ARHGEF40: variants seen among roughly 807,000 people sequenced by gnomAD.
ARHGEF40 encodes Rho guanine nucleotide exchange factor 40, also known as Rho guanine nucleotide exchange factor (GEF) 40.
ARHGEF40 carries 98 observed loss-of-function variants against 165.9 expected under a neutral mutation model. The observed-to-expected ratio is 0.59, with a 90% CI of 0.50 to 0.70. The LOEUF is 0.70. Among genes scored for constraint, ARHGEF40 ranks in the 30% least tolerant of loss-of-function variants. The pLI is 0.00. For missense variants in ARHGEF40, 1,815 were observed against 1,968.0 expected, an observed-to-expected ratio of 0.92 and a Z score of 1.47; for synonymous variants, 792 against 814.3, an observed-to-expected ratio of 0.97 and a Z score of 0.47.
rs1167399066 is a variant in ARHGEF40, at chr14:21,072,844, C to T, written c.4-201C>T. 2.6e-5 allele frequency among the ~76,000 whole-genome samples: 4 copies of T among 152,212 alleles called. No homozygotes were observed. The highest frequency in any genetic ancestry group is 2.9e-5 in the Non-Finnish European group (2 of 68,034). On this transcript the variant is annotated intron_variant, in intron 1 of 23. Transcript: ENST00000298694. This position sits in a 1 kb window ranked among gnomAD's most constrained non-coding sequence, Gnocchi z 4.1. The stretch of plus-strand genomic sequence containing the variant: ...AAGGTCTCAGAGCGGGAGTGTTGAG[C>T]GCCCTGCCAGGTTTGTGCACTCTGG...
At chr14:21,068,728 C>G (rs1886431205), upstream of ARHGEF40, among the ~76,000 whole-genome samples, 1 of 152,194 alleles carries the variant, frequency 6.6e-6, no homozygotes, top group Non-Finnish European at 1.5e-5. Context: ...GCTCCAACTC[C>G]ACGGCTCTAA....
Position 21,090,142 on chromosome 14 carries a change from CA to C in ARHGEF40, c.*1139del, listed in dbSNP as rs1298989897. 8.6e-6 allele frequency: 4 copies of C among 465,660 alleles called. No homozygotes were observed. The highest frequency in any genetic ancestry group is 2.0e-5 in the African/African-American group (1 of 50,284). The allele number at this position is 465,660 out of a possible 1,614,324, so 28.8% of individuals were successfully genotyped here. A position where few individuals can be genotyped will look rare whatever the true frequency, so the allele number is the denominator to read the frequency against. On this transcript the variant is annotated 3_prime_UTR_variant, in exon 24 of 24. Transcript: ENST00000298694. This position sits in a 1 kb window ranked among gnomAD's most constrained non-coding sequence, Gnocchi z 4.4. ...GCAATAGGGATGACAGGAATCGTAC[CA>C]AAAATAGCGACGTCTACAGGGCCCC...
chr14:21,070,776 G>T lies in ARHGEF40; in HGVS notation c.3+377G>T. On this transcript the variant is annotated intron_variant, in intron 1 of 23. Transcript: ENST00000298694. The surrounding 1 kb of genome is among the most constrained non-coding windows in gnomAD (Gnocchi z 4.7). ...ACCCGCGGGAGACCCCTGCGGGTTGGTCCTGCAGCGACCCTGGAAGAGGCC... is the reference window on the plus strand; with the variant it reads ...ACCCGCGGGAGACCCCTGCGGGTTGTTCCTGCAGCGACCCTGGAAGAGGCC... 6.5e-7 allele frequency: 1 copy of T among 1,532,104 alleles called. No homozygotes were observed. The highest frequency in any genetic ancestry group is 8.7e-7 in the Non-Finnish European group (1 of 1,143,844). The allele number at this position is 1,532,104 out of a possible 1,614,324, so 94.9% of individuals were successfully genotyped here. A position where few individuals can be genotyped will look rare whatever the true frequency, so the allele number is the denominator to read the frequency against.
chr14:21,067,985 T>TCTCCA (rs1566514089), upstream of ARHGEF40, among the ~76,000 whole-genome samples: 1 of 4,288 alleles, frequency 2.3e-4, no homozygotes, highest in East Asian at 2.1e-3. Flanking sequence ...CTCCCCTTTT[T>TCTCCA]TTTTTTTTTT....
intron 19 of ARHGEF40, chr14:21,086,662 T>G: frequency 4.1e-6 from 1 of 242,046 alleles, no homozygotes; most frequent in Non-Finnish European, 8.3e-6. Context: ...TTGTAAACTG[T>G]AAAGGTATGT....
rs758336294 is a variant in ARHGEF40 at position 21,084,813 on chromosome 14, C to T, written c.3850C>T (p.Arg1284Ter). The change falls in exon 18 of 24, where the codon CGA (arginine) becomes TGA (stop). Residue 1284 changes from arginine to a stop codon, truncating the protein, a stop_gained. Coordinates refer to ENST00000298694, the MANE Select transcript of ARHGEF40 (RefSeq NM_018071.5). LOFTEE classifies it high-confidence loss of function. ...AGACCCCTTCACTGTCATCTGTGGC[C>T]GAAAGAAGTGCCTTCGCCATGTCTT... ...HRDPFTVICG[R>*]KKCLRHVFLF... 2.5e-6 allele frequency: 4 copies of T among 1,614,190 alleles called. No homozygotes were observed. Among genetic ancestry groups the T allele is most frequent in the South Asian group, 1.1e-5 (1 of 91,088 alleles).
Position 21,087,387 on chromosome 14 carries a change from T to G in ARHGEF40, c.4311T>G (p.Leu1437=). ...FEHAGPSLPG[L]SPGACSLPAR... Reference sequence around the variant, plus strand: ...ATGCCGGCCCCTCCCTTCCCGGCCTTTCGCCGGGAGCCTGCTCCCTGCCTG... The same window carrying G: ...ATGCCGGCCCCTCCCTTCCCGGCCTGTCGCCGGGAGCCTGCTCCCTGCCTG... The change falls in exon 21 of 24, where the codon CTT becomes CTG. Residue 1437 remains leucine, a synonymous_variant. Coordinates refer to ENST00000298694, the MANE Select transcript of ARHGEF40 (RefSeq NM_018071.5). 6.2e-7 allele frequency: 1 copy of G among 1,603,636 alleles called. No homozygotes were observed. The highest frequency in any genetic ancestry group is 8.5e-7 in the Non-Finnish European group (1 of 1,179,872).
At chr14:21,081,341 C>A in intron 13 of ARHGEF40, 168 bp from the exon 14 acceptor site, 2 of 1,006,680 alleles carry the variant, frequency 2.0e-6, no homozygotes, top group Non-Finnish European at 2.9e-6. Context: ...TCCATACCAA[C>A]TCCGAGTGAC....
At position 21,074,603 on chromosome 14, in the gene ARHGEF40, C is replaced by A. The variant is rs1262687199; in HGVS notation, c.873C>A (p.His291Gln). 6.4e-7 allele frequency: 1 copy of A among 1,569,374 alleles called. No individual in the cohort carries two copies. The highest frequency in any genetic ancestry group is 8.6e-7 in the Non-Finnish European group (1 of 1,158,176). The change falls in exon 3 of 24, where the codon CAC (histidine) becomes CAA (glutamine). Residue 291 changes from histidine to glutamine, a missense_variant. His to Gln is a conservative substitution (Grantham distance 24). Transcript: ENST00000298694. The surrounding 1 kb of genome is among the most constrained non-coding windows in gnomAD (Gnocchi z 4.8). ...GRHRRHRAWM[H>Q]QKGLGPRGQD... is the part of the protein sequence containing the mutation. ...ACCGGAGACACCGGGCGTGGATGCACCAGAAGGGCCTGGGGCCTCGGGGCC... is the reference window on the plus strand; with the variant it reads ...ACCGGAGACACCGGGCGTGGATGCAACAGAAGGGCCTGGGGCCTCGGGGCC...
Position 21,081,871 on chromosome 14 carries a change from G to A in ARHGEF40, c.3003G>A (p.Arg1001=). ...SLLLPSSPGP[R]PAPSHCSLAP... is the part of the protein sequence containing the mutation. ...TGCTCCCCAGCAGCCCTGGGCCACG[G>A]CCAGCCCCATCCCATTGCTCCCTGG... Residue 1001 remains arginine (R), a synonymous_variant, in exon 14 of 24, where the codon CGG becomes CGA. Coordinates refer to ENST00000298694, the MANE Select transcript of ARHGEF40 (RefSeq NM_018071.5). 6.2e-7 allele frequency: 1 copy of A among 1,612,862 alleles called. No individual in the cohort carries two copies.
the ARHGEF40 span, among the ~76,000 whole-genome samples, chr14:21,062,438 G>A: frequency 2.6e-5 from 4 of 152,284 alleles, no homozygotes; most frequent in South Asian, 8.3e-4. Flanking sequence ...TCTGCACTGT[G>A]CTGCCTTCAG....
chr14:21,073,134 G>C lies in ARHGEF40; in HGVS notation c.93G>C (p.Gln31His). ...FEATAPTLLG[Q>H]VFQVVERTYR... ...CAACAGCCCCCACCCTGTTGGGCCA[G>C]GTGTTCCAGGTGGTGGAGAGGACTT... is the stretch of plus-strand genomic sequence containing the variant. Residue 31 changes from glutamine to histidine, a missense_variant, in exon 2 of 24, where the codon CAG (glutamine) becomes CAC (histidine). Physicochemically the swap from Gln to His is conservative, Grantham distance 24. Coordinates refer to ENST00000298694, the MANE Select transcript of ARHGEF40 (RefSeq NM_018071.5). This position sits in a 1 kb window ranked among gnomAD's most constrained non-coding sequence, Gnocchi z 4.6. The C allele has an allele frequency of 6.2e-7, 1 of 1,614,174 alleles. No individual in the cohort carries two copies. Among genetic ancestry groups the C allele is most frequent in the Non-Finnish European group, 8.5e-7 (1 of 1,180,032 alleles).
chr14:21,073,297 A>G lies in ARHGEF40; in HGVS notation c.201+55A>G, dbSNP rs1887132638. On this transcript the variant is annotated intron_variant, in intron 2 of 23. Transcript: ENST00000298694. This position sits in a 1 kb window ranked among gnomAD's most constrained non-coding sequence, Gnocchi z 4.6. ...TCCCCAAGATCCACTGCCACACTCT[A>G]CAGACTAGCCAGGCTGACTAATGCC... The G allele has an allele frequency of 6.5e-7, 1 of 1,533,178 alleles. No individual in the cohort carries two copies. The allele number at this position is 1,533,178 out of a possible 1,614,324, so 95.0% of individuals were successfully genotyped here. A position where few individuals can be genotyped will look rare whatever the true frequency, so the allele number is the denominator to read the frequency against.
intron 19 of ARHGEF40, chr14:21,086,266 A>C (rs1230565287): frequency 1.1e-5 from 2 of 187,874 alleles, no homozygotes; most frequent in Non-Finnish European, 2.3e-5. Flanking sequence ...AGTCCTAGCT[A>C]TTTGAGGGGT....
chr14:21,081,930 C>T lies in ARHGEF40; in HGVS notation c.3062C>T (p.Pro1021Leu). Residue 1021 changes from proline (P) to leucine (L), a missense_variant, in exon 14 of 24, where the codon CCT becomes CTT. Transcript: ENST00000298694. ...PCGEDYEEEG[P>L]ELAPEAEGRP... is the part of the protein sequence containing the mutation. ...GGAGAGGACTATGAGGAAGAGGGCCCTGAGCTGGCTCCAGAAGCAGAGGGC... is the reference window on the plus strand; with the variant it reads ...GGAGAGGACTATGAGGAAGAGGGCCTTGAGCTGGCTCCAGAAGCAGAGGGC... 6.2e-7 allele frequency: 1 copy of T among 1,611,566 alleles called. No homozygotes were observed. The highest frequency in any genetic ancestry group is 1.3e-5 in the African/African-American group (1 of 74,992).
chr14:21,079,122 G>T (rs1429275689), intron 11 of ARHGEF40, 112 bp downstream of exon 11: 2 of 1,383,060 alleles, frequency 1.4e-6, no homozygotes, highest in Non-Finnish European at 1.9e-6. Flanking sequence ...TTGGTTGAAC[G>T]CCCCTCCCTC....
chr14:21,075,767 T>A lies in ARHGEF40; in HGVS notation c.1739+2T>A. Reference sequence around the variant, plus strand: ...TCATTACCTCCACTCACTGCTCAGGTAACCGAGGCCCAGTCCTGGCACCCT... The same window carrying A: ...TCATTACCTCCACTCACTGCTCAGGAAACCGAGGCCCAGTCCTGGCACCCT... On this transcript the variant is annotated splice_donor_variant, in intron 5 of 23. Coordinates refer to ENST00000298694, the MANE Select transcript of ARHGEF40 (RefSeq NM_018071.5). LOFTEE classifies it high-confidence loss of function. The surrounding 1 kb of genome is among the most constrained non-coding windows in gnomAD (Gnocchi z 4.5). 6.2e-7 allele frequency: 1 copy of A among 1,612,112 alleles called. No individual in the cohort carries two copies. Among genetic ancestry groups the A allele is most frequent in the Non-Finnish European group, 8.5e-7 (1 of 1,179,058 alleles).
chr14:21,082,507 TG>T (rs1888006696), intron 15 of ARHGEF40, 29 bp downstream of exon 15: 1 of 1,545,926 alleles, frequency 6.5e-7, no homozygotes, highest in African/African-American at 1.4e-5. Context: ...TTCTTCCAAG[TG>T]CTCTCCCTTC....
chr14:21,087,382 G>C lies in ARHGEF40; in HGVS notation c.4306G>C (p.Gly1436Arg), dbSNP rs780647585. Reference sequence around the variant, plus strand: ...TGAGCATGCCGGCCCCTCCCTTCCCGGCCTTTCGCCGGGAGCCTGCTCCCT... The same window carrying C: ...TGAGCATGCCGGCCCCTCCCTTCCCCGCCTTTCGCCGGGAGCCTGCTCCCT... ...SFEHAGPSLP[G>R]LSPGACSLPA... The change falls in exon 21 of 24, where the codon GGC becomes CGC. Residue 1436 changes from glycine to arginine, a missense_variant. Gly to Arg is a moderately radical substitution (Grantham distance 125). Coordinates refer to ENST00000298694, the MANE Select transcript of ARHGEF40 (RefSeq NM_018071.5). 6.2e-7 allele frequency: 1 copy of C among 1,603,882 alleles called. No homozygotes were observed. Among genetic ancestry groups the C allele is most frequent in the Non-Finnish European group, 8.5e-7 (1 of 1,179,786 alleles).
Sources: gnomAD v4.1 joint callset for allele counts (sites outside exome capture counted in the v4.1 genomes callset) on GRCh38, gnomAD v4.1.1 for gene constraint, Gnocchi (gnomAD v3.1) non-coding constraint, MANE v1.5 for transcripts, NCBI Gene and HGNC (gene_info 2026-07-23, HGNC 2026-07-21) for gene names.